POMGNT1: variants seen among roughly 807,000 people sequenced by gnomAD.
POMGNT1 encodes protein O-linked-mannose beta-1,2-N-acetylglucosaminyltransferase 1.
In POMGNT1, 67 loss-of-function variants were observed where a neutral mutation model predicts 95.6. That is an observed-to-expected ratio of 0.70 (90% CI 0.58 to 0.86). The LOEUF is 0.86. POMGNT1 is among the 40% of genes least tolerant of loss of function. The probability of loss-of-function intolerance (pLI) is 0.00; values close to 1 mark genes in which losing one functional copy is unlikely to be tolerated. For missense variants in POMGNT1, 719 were observed against 855.2 expected, an observed-to-expected ratio of 0.84 and a Z score of 1.99; for synonymous variants, 298 against 317.9, an observed-to-expected ratio of 0.94 and a Z score of 0.66.
At chr1:46,205,516 ACGTG>A (rs1023357629) in intron 1 of POMGNT1, among the ~76,000 whole-genome samples, 22 of 152,300 alleles carry the variant, frequency 1.4e-4, no homozygotes, top group African/African-American at 5.3e-4. Context: ...TACAGATAAA[ACGTG>A]CTTGCAGATT....
At chr1:46,191,098 C>T in intron 17 of POMGNT1, 1 of 372,816 alleles carries the variant, frequency 2.7e-6, no homozygotes, top group Non-Finnish European at 5.2e-6. Flanking sequence ...CCACAGATGT[C>T]AGAAACAGGC....
chr1:46,188,799 G>C lies in POMGNT1; in HGVS notation c.*471C>G. 6.2e-7 allele frequency: 1 copy of C among 1,612,924 alleles called. No individual in the cohort carries two copies. The highest frequency in any genetic ancestry group is 2.2e-5 in the East Asian group (1 of 44,878). On this transcript the variant is annotated 3_prime_UTR_variant, in exon 22 of 22. Transcript: ENST00000371984. The stretch of plus-strand genomic sequence containing the variant: ...TGTCTAAGGGTCTCTGAGTGAGTCT[G>C]TGTCAGCATGTGGGCCCCAGCTGGG...
At chr1:46,199,816 C>G (rs79649266), upstream of POMGNT1, among the ~76,000 whole-genome samples, 803 of 152,228 alleles carry the variant, frequency 5.3e-3, 5 homozygotes, top group Middle Eastern at 0.041. Context: ...TAAAGAAATA[C>G]ATGATTTTTC....
chr1:46,197,180 A>G, intron 2 of POMGNT1, 96 bp from the exon 3 acceptor site: 1 of 1,606,150 alleles, frequency 6.2e-7, no homozygotes, highest in Non-Finnish European at 8.5e-7. Context: ...GAAGACATCC[A>G]GAGAAACTGG....
At chr1:46,206,305 G>T (rs1019425796) in intron 1 of POMGNT1, among the ~76,000 whole-genome samples, 2 of 152,224 alleles carry the variant, frequency 1.3e-5, no homozygotes, top group African/African-American at 2.4e-5. Context: ...TGTGAAACCA[G>T]ATGATTGTTA....
chr1:46,203,407 C>T, upstream of POMGNT1: 1 of 1,440,204 alleles, frequency 6.9e-7, no homozygotes, highest in South Asian at 1.5e-5. Flanking sequence ...TCGCCCAGCC[C>T]TTTTCAGGCT....
rs1657501943 is a variant in POMGNT1, at chr1:46,188,685, C to T, written c.*585G>A. 1 of 1,591,990 alleles carries T rather than the reference C, an allele frequency of 6.3e-7. No homozygotes were observed. Among genetic ancestry groups the T allele is most frequent in the African/African-American group, 1.3e-5 (1 of 74,276 alleles). ...CAAAATCACAATCACAAGACATCCC[C>T]AGAGGGCTTCTCCTTTTTTAATCAA... On this transcript the variant is annotated 3_prime_UTR_variant, in exon 22 of 22. Transcript: ENST00000371984.
At chr1:46,193,782 G>A (rs1657986875) in intron 10 of POMGNT1, 73 bp downstream of exon 10, 2 of 1,604,144 alleles carry the variant, frequency 1.2e-6, no homozygotes, top group Non-Finnish European at 1.7e-6. Context: ...CCCACCTCAA[G>A]AGTTCCTCCT....
rs377066233 is a variant in POMGNT1 at position 46,196,696 on chromosome 1, T to C, written c.354+35A>G. 46 of 1,613,858 alleles carry C rather than the reference T, an allele frequency of 2.9e-5. No homozygotes were observed. Among genetic ancestry groups the C allele is most frequent in the Admixed American group, 1.7e-4 (10 of 60,028 alleles). On this transcript the variant is annotated intron_variant, in intron 4 of 21. Transcript: ENST00000371984. The surrounding 1 kb of genome is among the most constrained non-coding windows in gnomAD (Gnocchi z 4.4). ...CCAGTGGACCATGCCCTGAGCAGAATAGAGTGACTGTACACCAGACCCTGG... is the reference window on the plus strand; with the variant it reads ...CCAGTGGACCATGCCCTGAGCAGAACAGAGTGACTGTACACCAGACCCTGG...
rs749236309 is a variant in POMGNT1 at position 46,189,876 on chromosome 1, G to C, written c.1763C>G (p.Thr588Ser). The change falls in exon 20 of 22, where the codon ACC becomes AGC. Residue 588 changes from threonine to serine, a missense_variant. Coordinates refer to ENST00000371984, the MANE Select transcript of POMGNT1 (RefSeq NM_017739.4). ...CACCTTGGCAAGCTGGGTCCAGGTG[G>C]TGAAGTCATCATCTTTCTCCATTCG... ...FIRMEKDDDF[T>S]TWTQLAKCLH... 6.2e-7 allele frequency: 1 copy of C among 1,613,924 alleles called. No homozygotes were observed. Among genetic ancestry groups the C allele is most frequent in the African/African-American group, 1.3e-5 (1 of 75,054 alleles).
chr1:46,202,518 C>T (rs1280567602), upstream of POMGNT1, among the ~76,000 whole-genome samples: 1 of 151,716 alleles, frequency 6.6e-6, no homozygotes, highest in Non-Finnish European at 1.5e-5. Context: ...CATGGTGAAA[C>T]CCTGTCTCTA....
At chr1:46,219,744 A>G in exon 1 of POMGNT1, 1 of 1,610,640 alleles carries the variant, frequency 6.2e-7, no homozygotes, top group South Asian at 1.1e-5. Flanking sequence ...GCAGCTGGTG[A>G]CCTTGAATGA....
intron 20 of POMGNT1, 63 bp from the exon 21 acceptor site, chr1:46,189,630 G>A (rs1036917350): frequency 2.3e-5 from 36 of 1,567,834 alleles, no homozygotes; most frequent in Admixed American, 5.7e-5. Context: ...GGTCACTGAC[G>A]ACCCTTTGGC....
chr1:46,203,242 A>T (rs988434536), upstream of POMGNT1: 12 of 421,172 alleles, frequency 2.8e-5, no homozygotes, highest in East Asian at 4.5e-4. Context: ...TGTGCGCAGC[A>T]CTCGAATACA....
chr1:46,207,288 C>A (rs1050579045), intron 1 of POMGNT1, among the ~76,000 whole-genome samples: 2 of 152,036 alleles, frequency 1.3e-5, no homozygotes, highest in Non-Finnish European at 2.9e-5. Flanking sequence ...GCCATGTTGG[C>A]CAGGCTGGTT....
Position 46,194,965 on chromosome 1 carries a change from G to A in POMGNT1, c.535-4C>T. Reference sequence around the variant, plus strand: ...TGAGGTGGAAGGAGCCCTCATCCTGGGGGACCAGAGAAGGCAGTTAGCCTG... The same window carrying A: ...TGAGGTGGAAGGAGCCCTCATCCTGAGGGACCAGAGAAGGCAGTTAGCCTG... On this transcript the variant is annotated splice_polypyrimidine_tract_variant and splice_region_variant and intron_variant, in intron 6 of 21. Transcript: ENST00000371984. 3.1e-6 allele frequency: 5 copies of A among 1,613,982 alleles called. No individual in the cohort carries two copies. Among genetic ancestry groups the A allele is most frequent in the Non-Finnish European group, 4.2e-6 (5 of 1,179,958 alleles).
In POMGNT1 at chr1:46,189,507, G is replaced by C. The variant is rs763071717; in HGVS notation, c.1846C>G (p.Arg616Gly). ...ACCATCAGGAAGTGGTTCTTCTTCC[G>C]AAACAATCTCCACAGGCCCCGATGG... ...GNHRGLWRLF[R>G]KKNHFLMVGV... The change falls in exon 21 of 22, where the codon CGG becomes GGG. Residue 616 changes from arginine to glycine, a missense_variant. Physicochemically the swap from Arg to Gly is moderately radical, Grantham distance 125. This residue lies in a region of POMGNT1 where 130 missense variants were observed against 149.2 expected (regional missense o/e 0.87). Coordinates refer to ENST00000371984, the MANE Select transcript of POMGNT1 (RefSeq NM_017739.4). The C allele has an allele frequency of 1.2e-6, 2 of 1,613,564 alleles. No homozygotes were observed. The highest frequency in any genetic ancestry group is 1.7e-6 in the Non-Finnish European group (2 of 1,179,756).
At chr1:46,211,286 A>G (rs1301887280) in intron 1 of POMGNT1, among the ~76,000 whole-genome samples, 1 of 152,164 alleles carries the variant, frequency 6.6e-6, no homozygotes, top group African/African-American at 2.4e-5. Context: ...ACCCACAATC[A>G]GATTAGAGTT....
At chr1:46,215,082 C>G (rs766571092) in intron 1 of POMGNT1, among the ~76,000 whole-genome samples, 12 of 151,668 alleles carry the variant, frequency 7.9e-5, no homozygotes, top group African/African-American at 2.9e-4. Flanking sequence ...AAAAATTAGC[C>G]GGGTGTGGTG....
Sources: gnomAD v4.1 joint callset for allele counts (sites outside exome capture counted in the v4.1 genomes callset) on GRCh38, gnomAD v4.1.1 for gene constraint, gnomAD v4.1.1 regional missense constraint, Gnocchi (gnomAD v3.1) non-coding constraint, MANE v1.5 for transcripts, NCBI Gene and HGNC (gene_info 2026-07-23, HGNC 2026-07-21) for gene names.